The following PTPDC1 variants were observed in gnomAD, a reference collection of about 807,000 sequenced individuals.
PTPDC1 encodes protein tyrosine phosphatase domain containing 1, also known as protein tyrosine phosphatase domain-containing protein 1.
A neutral mutation model predicts 75.3 loss-of-function variants in PTPDC1; 53 were observed. That is an observed-to-expected ratio of 0.70 (90% CI 0.56 to 0.88). The LOEUF (loss-of-function observed/expected upper bound fraction) is 0.88, where lower values mean the gene tolerates loss of function less well. PTPDC1 is among the 40% of genes least tolerant of loss of function. The pLI, the probability that PTPDC1 is intolerant of heterozygous loss-of-function variation, is 0.00. For synonymous variants in PTPDC1, 349 were observed against 366.2 expected, an observed-to-expected ratio of 0.95 and a Z score of 0.54; for missense variants, 925 against 998.6, an observed-to-expected ratio of 0.93 and a Z score of 0.99.
chr9:94,103,338 C>A (rs1827910408), intron 7 of PTPDC1, among the ~76,000 whole-genome samples: 1 of 152,184 alleles, frequency 6.6e-6, no homozygotes, highest in African/African-American at 2.4e-5. Flanking sequence ...TATCTCAATA[C>A]CCCTTAGAGG....
chr9:94,083,372 C>T (rs1462352260), upstream of PTPDC1, among the ~76,000 whole-genome samples: 1 of 151,988 alleles, frequency 6.6e-6, no homozygotes, highest in Non-Finnish European at 1.5e-5. Context: ...ATTCTGTGTC[C>T]CTGTCTTATT....
chr9:94,031,005 G>C (rs1402762823), exon 1 of PTPDC1: 1 of 152,120 alleles, frequency 6.6e-6, no homozygotes, highest in Non-Finnish European at 1.5e-5. Flanking sequence ...CAGACCCTCC[G>C]CGGGGCAGCG....
chr9:94,055,718 A>G (rs1180030872), intron 1 of PTPDC1, among the ~76,000 whole-genome samples: 2 of 152,210 alleles, frequency 1.3e-5, no homozygotes, highest in African/African-American at 2.4e-5. Context: ...AAACCTGCAC[A>G]TTGTGCACAT....
At chr9:94,051,278 A>C (rs376331239) in intron 1 of PTPDC1, among the ~76,000 whole-genome samples, 1 of 152,228 alleles carries the variant, frequency 6.6e-6, no homozygotes, top group African/African-American at 2.4e-5. Flanking sequence ...TTGGAAATGC[A>C]GAAATCACCC....
chr9:94,075,231 A>T (rs1027119162), intron 2 of PTPDC1, among the ~76,000 whole-genome samples: 12 of 152,124 alleles, frequency 7.9e-5, no homozygotes, highest in African/African-American at 2.9e-4. Context: ...TAGCTCCCTG[A>T]TCAGCCCCAA....
intron 2 of PTPDC1, among the ~76,000 whole-genome samples, chr9:94,066,474 G>A (rs1475043917): frequency 6.6e-6 from 1 of 152,094 alleles, no homozygotes; most frequent in African/African-American, 2.4e-5. Flanking sequence ...ATTTTTAAAG[G>A]AAAACAGAAA....
intron 1 of PTPDC1, among the ~76,000 whole-genome samples, chr9:94,062,534 C>T (rs1304992463): frequency 2.0e-5 from 3 of 152,206 alleles, no homozygotes; most frequent in Non-Finnish European, 2.9e-5. Context: ...CTGATTGCCT[C>T]ATGGTTCTGC....
chr9:94,045,154 C>G (rs1384608172), intron 1 of PTPDC1, among the ~76,000 whole-genome samples: 2 of 151,778 alleles, frequency 1.3e-5, no homozygotes, highest in African/African-American at 4.8e-5. Flanking sequence ...TCATCCATAT[C>G]CCTACAAAGG....
rs1399828161 is a variant in PTPDC1, at chr9:94,108,953, G to A, written c.*1009G>A. The A allele has an allele frequency of 2.6e-5, 4 of 152,310 alleles. No homozygotes were observed. The highest frequency in any genetic ancestry group is 6.5e-5 in the Admixed American group (1 of 15,276). 9.4% of individuals were successfully genotyped at this position (152,310 alleles called of 1,614,324 possible). On this transcript the variant is annotated 3_prime_UTR_variant, in exon 9 of 9. Coordinates refer to ENST00000620992, the MANE Select transcript of PTPDC1 (RefSeq NM_001253829.2). The stretch of plus-strand genomic sequence containing the variant: ...GTTTGTACTGATGGTGTATTAGCAT[G>A]AGCAGCGTGGCCCTGGCCCCACACT...
At chr9:94,062,538 G>A (rs1052608767) in intron 1 of PTPDC1, among the ~76,000 whole-genome samples, 1 of 152,206 alleles carries the variant, frequency 6.6e-6, no homozygotes, top group African/African-American at 2.4e-5. Context: ...TTGCCTCATG[G>A]TTCTGCAGGC....
At chr9:94,094,465 C>G (rs1827460071) in intron 4 of PTPDC1, among the ~76,000 whole-genome samples, 1 of 152,136 alleles carries the variant, frequency 6.6e-6, no homozygotes. Context: ...CTGGGAGAAC[C>G]ACAGCTCTTT....
At chr9:94,042,150 A>AT (rs556042973) in intron 1 of PTPDC1, among the ~76,000 whole-genome samples, 78 of 152,156 alleles carry the variant, frequency 5.1e-4, no homozygotes, top group African/African-American at 1.7e-3. Context: ...CCTTTTACTT[A>AT]TTTTTTCAAT....
intron 1 of PTPDC1, among the ~76,000 whole-genome samples, chr9:94,054,565 C>T (rs1825878319): frequency 6.6e-6 from 1 of 152,064 alleles, no homozygotes; most frequent in Non-Finnish European, 1.5e-5. Context: ...GGGCCACGTT[C>T]CTGATATTTG....
At chr9:94,064,865 G>A in intron 2 of PTPDC1, 3 of 1,431,140 alleles carry the variant, frequency 2.1e-6, no homozygotes, top group Non-Finnish European at 1.9e-6. Context: ...GTGCAAGCTG[G>A]CATTTAATAA....
At chr9:94,104,135 A>T in intron 7 of PTPDC1, 140 bp from the exon 8 acceptor site, 1 of 550,868 alleles carries the variant, frequency 1.8e-6, no homozygotes, top group Non-Finnish European at 3.3e-6. Flanking sequence ...GTTGATGTTT[A>T]GATATTTTGT....
intron 1 of PTPDC1, among the ~76,000 whole-genome samples, chr9:94,054,891 T>C (rs995362081): frequency 6.6e-6 from 1 of 152,170 alleles, no homozygotes; most frequent in Non-Finnish European, 1.5e-5. Flanking sequence ...CATAAGGAAC[T>C]CACATCTGCT....
chr9:94,102,991 T>TACACACACACACAC (rs10624415), intron 7 of PTPDC1, among the ~76,000 whole-genome samples: 1 of 148,876 alleles, frequency 6.7e-6, no homozygotes, highest in Non-Finnish European at 1.5e-5. Context: ...CTGCTGTTAC[T>TACACACACACACAC]ACACACACAC....
chr9:94,054,949 G>T (rs924162617), intron 1 of PTPDC1, among the ~76,000 whole-genome samples: 3 of 152,182 alleles, frequency 2.0e-5, no homozygotes, highest in Non-Finnish European at 2.9e-5. Context: ...TCTGCTCTTT[G>T]TACTGGGCTG....
chr9:94,062,604 A>C (rs1826176843), intron 1 of PTPDC1, among the ~76,000 whole-genome samples: 1 of 152,150 alleles, frequency 6.6e-6, no homozygotes, highest in African/African-American at 2.4e-5. Context: ...TGGAAGGCAA[A>C]GTGGGAGCAG....
Sources: gnomAD v4.1 joint callset for allele counts (sites outside exome capture counted in the v4.1 genomes callset) on GRCh38, gnomAD v4.1.1 for gene constraint, MANE v1.5 for transcripts, NCBI Gene and HGNC (gene_info 2026-07-23, HGNC 2026-07-21) for gene names.